GLI3: variants seen among roughly 807,000 people sequenced by gnomAD.
GLI3 encodes transcription activator GLI3.
Under a neutral mutation model 100.8 loss-of-function variants are expected in GLI3, and 20 were observed. That is an observed-to-expected ratio of 0.20 (90% CI 0.14 to 0.29). The LOEUF is 0.29. Ranked by LOEUF, GLI3 falls within the 10% of genes least tolerant of loss-of-function variation. The pLI is 1.00. For missense variants in GLI3, 2,040 were observed against 2,128.5 expected, an observed-to-expected ratio of 0.96 and a Z score of 0.82; for synonymous variants, 938 against 860.5, an observed-to-expected ratio of 1.09 and a Z score of -1.58.
intron 1 of GLI3, among the ~76,000 whole-genome samples, chr7:42,229,957 C>T (rs1166760980): frequency 6.6e-6 from 1 of 152,028 alleles, no homozygotes; most frequent in African/African-American, 2.4e-5. Context: ...GTTGATGTTT[C>T]CTTGTGTTCA....
chr7:42,149,139 C>T (rs1562758708), intron 2 of GLI3, among the ~76,000 whole-genome samples: 2 of 152,184 alleles, frequency 1.3e-5, no homozygotes, highest in South Asian at 4.1e-4. Context: ...TGAGATACTT[C>T]CTGCTTCTGT....
At chr7:42,124,800 CTG>C (rs1005687868) in intron 3 of GLI3, among the ~76,000 whole-genome samples, 11 of 152,110 alleles carry the variant, frequency 7.2e-5, no homozygotes, top group African/African-American at 2.7e-4. Context: ...ATTGGTGCTG[CTG>C]TGTGTGTGAA....
chr7:42,070,658 AGCCTAT>A (rs1784766398), intron 4 of GLI3, among the ~76,000 whole-genome samples: 1 of 152,246 alleles, frequency 6.6e-6, no homozygotes, highest in Non-Finnish European at 1.5e-5. Context: ...TATTGTGCTT[AGCCTAT>A]AGTAAGTATT....
chr7:42,094,495 G>T (rs1436971237), intron 3 of GLI3, among the ~76,000 whole-genome samples: 2 of 146,532 alleles, frequency 1.4e-5, no homozygotes, highest in Admixed American at 1.3e-4. Context: ...CAGCACTTTG[G>T]GAGGCTGAGG....
chr7:41,998,518 A>G (rs1562677338), intron 10 of GLI3, among the ~76,000 whole-genome samples: 1 of 152,190 alleles, frequency 6.6e-6, no homozygotes, highest in Non-Finnish European at 1.5e-5. Context: ...CCCTTCTTAA[A>G]TGCCTCAAAA....
chr7:42,132,222 T>A (rs1786298268), intron 3 of GLI3, among the ~76,000 whole-genome samples: 1 of 147,820 alleles, frequency 6.8e-6, no homozygotes, highest in Middle Eastern at 3.3e-3. Flanking sequence ...TGCCTCAGCC[T>A]CCCGAGTAGC....
In GLI3 at chr7:41,965,996, C is replaced by A; in HGVS notation, c.3077G>T (p.Ser1026Ile). 1 of 1,603,742 alleles carries A rather than the reference C, an allele frequency of 6.2e-7. No individual in the cohort carries two copies. Reference protein sequence around the residue: ...LALPRVPRFSSLSSCNPPAMA... With the variant: ...LALPRVPRFSILSSCNPPAMA... ...CGCCGGGGGGTTGCAGCTGCTGAGG[C>A]TGCTGAAGCGCGGCACACGAGGCAG... The change falls in exon 15 of 15, where the codon AGC becomes ATC. Residue 1026 changes from serine (S) to isoleucine (I), a missense_variant. Ser to Ile is a moderately radical substitution (Grantham distance 142). Around this residue, in one of 5 missense-constraint regions of GLI3, gnomAD observed 1,041 missense variants for 924.0 expected, o/e 1.13. Coordinates refer to ENST00000395925, the MANE Select transcript of GLI3 (RefSeq NM_000168.6).
intron 2 of GLI3, among the ~76,000 whole-genome samples, chr7:42,219,314 C>A (rs1244999381): frequency 1.3e-5 from 2 of 152,164 alleles, no homozygotes; most frequent in Non-Finnish European, 2.9e-5. Flanking sequence ...TAAAATCAGA[C>A]TATGGGCACA....
At chr7:42,054,463 T>A (rs1224467005) in intron 4 of GLI3, among the ~76,000 whole-genome samples, 1 of 152,160 alleles carries the variant, frequency 6.6e-6, no homozygotes, top group Admixed American at 6.5e-5. Flanking sequence ...TACACATATC[T>A]CCTGCATCTC....
intron 2 of GLI3, among the ~76,000 whole-genome samples, chr7:42,199,804 C>T (rs1788001245): frequency 6.6e-6 from 1 of 152,100 alleles, no homozygotes; most frequent in South Asian, 2.1e-4. Context: ...ACCTGTAATC[C>T]CAGCACTTTG....
chr7:42,069,598 A>C (rs1784746130), intron 4 of GLI3, among the ~76,000 whole-genome samples: 2 of 152,222 alleles, frequency 1.3e-5, no homozygotes, highest in South Asian at 4.1e-4. Context: ...GAAAAGCATA[A>C]AAGTAGAAAA....
intron 3 of GLI3, among the ~76,000 whole-genome samples, chr7:42,140,884 A>G (rs1786551970): frequency 6.6e-6 from 1 of 152,324 alleles, no homozygotes; most frequent in Admixed American, 6.5e-5. Context: ...GCAGATGGCT[A>G]TGAAATGGCA....
chr7:42,180,534 T>C (rs779844552), intron 2 of GLI3, among the ~76,000 whole-genome samples: 1 of 152,100 alleles, frequency 6.6e-6, no homozygotes, highest in Non-Finnish European at 1.5e-5. Flanking sequence ...ACAAATCAGG[T>C]GACACAGGCG....
At chr7:42,200,579 C>T (rs1788018657) in intron 2 of GLI3, among the ~76,000 whole-genome samples, 1 of 151,964 alleles carries the variant, frequency 6.6e-6, no homozygotes, top group South Asian at 2.1e-4. Context: ...AGATTTTTGC[C>T]CCACACAAGA....
rs543233055 is a variant in GLI3, at chr7:41,963,739, G to T, written c.*591C>A. On this transcript the variant is annotated 3_prime_UTR_variant, in exon 15 of 15. Transcript: ENST00000395925. The stretch of plus-strand genomic sequence containing the variant: ...GCCCTGAACTGAATTGGAGATGGGG[G>T]GAACATCAATATTCTGTCATCTATG... The T allele has an allele frequency of 2.6e-5, 4 of 153,328 alleles. No individual in the cohort carries two copies. In the East Asian group the frequency reaches 7.7e-4, roughly 30 times the overall value. 9.5% of individuals were successfully genotyped at this position (153,328 alleles called of 1,614,324 possible).
At position 42,053,782 on chromosome 7, in the gene GLI3, C is replaced by T. The variant is rs140423986; in HGVS notation, c.474-5086G>A. On this transcript the variant is annotated intron_variant, in intron 4 of 14. Coordinates refer to ENST00000395925, the MANE Select transcript of GLI3 (RefSeq NM_000168.6). ...ACATTCTGAGAAAAACACTGAAATT[C>T]AGAACTGGTCCAAGAACAGACATTC... Among the ~76,000 whole-genome samples, 10 of 152,276 alleles carry T rather than the reference C, an allele frequency of 6.6e-5. No individual in the cohort carries two copies. In the East Asian group the frequency reaches 1.5e-3, roughly 24 times the overall value.
At chr7:42,176,080 AAAG>A (rs1262761631) in intron 2 of GLI3, among the ~76,000 whole-genome samples, 1 of 152,128 alleles carries the variant, frequency 6.6e-6, no homozygotes, top group Non-Finnish European at 1.5e-5. Flanking sequence ...ACAGAATGAT[AAAG>A]GAGGATTGTC....
At chr7:41,968,683 AAAG>A (rs1787254837) in intron 13 of GLI3, among the ~76,000 whole-genome samples, 17 of 118,858 alleles carry the variant, frequency 1.4e-4, no homozygotes, top group South Asian at 3.0e-4. Flanking sequence ...AGAAAGAAAG[AAAG>A]AAGAAAGAAA....
chr7:42,145,683 T>G (rs942622120), intron 3 of GLI3: 1 of 396,820 alleles, frequency 2.5e-6, no homozygotes, highest in African/African-American at 2.1e-5. Context: ...CAAACATGAC[T>G]TAGAGAGTCA....
Sources: gnomAD v4.1 joint callset for allele counts (sites outside exome capture counted in the v4.1 genomes callset) on GRCh38, gnomAD v4.1.1 for gene constraint, gnomAD v4.1.1 regional missense constraint, MANE v1.5 for transcripts, NCBI Gene and HGNC (gene_info 2026-07-23, HGNC 2026-07-21) for gene names.